The following INVS variants were observed in gnomAD, a reference collection of about 807,000 sequenced individuals.
INVS encodes inversin, also known as inversion of embryo turning homolog.
Under a neutral mutation model 108.8 loss-of-function variants are expected in INVS, and 86 were observed. The ratio of observed to expected loss-of-function variants is 0.79; its 90% CI spans 0.66 to 0.95. The LOEUF (loss-of-function observed/expected upper bound fraction) is 0.95. Ranked by LOEUF, INVS falls within the 40% of genes least tolerant of loss-of-function variation. INVS has a pLI of 0.00. For missense variants in INVS, 1,169 were observed against 1,297.4 expected (o/e 0.90, Z 1.52); for synonymous variants, 455 against 473.5 (o/e 0.96, Z 0.51).
chr9:100,168,052 T>C (rs1420100902), intron 3 of INVS, among the ~76,000 whole-genome samples: 2 of 152,114 alleles, frequency 1.3e-5, no homozygotes, highest in Non-Finnish European at 2.9e-5. Flanking sequence ...CTTTCTTTTT[T>C]TTTCTTCTGG....
intron 3 of INVS, among the ~76,000 whole-genome samples, chr9:100,141,755 G>A (rs949921979): frequency 1.3e-5 from 2 of 152,174 alleles, no homozygotes; most frequent in African/African-American, 4.8e-5. Context: ...ATAGCAAATG[G>A]AACACTGAGA....
At chr9:100,269,859 T>C (rs568763063) in intron 11 of INVS, among the ~76,000 whole-genome samples, 1 of 152,300 alleles carries the variant, frequency 6.6e-6, no homozygotes, top group South Asian at 2.1e-4. Context: ...AGCTGTGGTA[T>C]TGCAAGCCAT....
chr9:100,199,451 A>G (rs1039131168), intron 3 of INVS, among the ~76,000 whole-genome samples: 8 of 151,620 alleles, frequency 5.3e-5, no homozygotes, highest in Non-Finnish European at 8.8e-5. Context: ...GCTCCTTTCA[A>G]TCTGTTTTCT....
chr9:100,251,498 G>A (rs1342038586), intron 8 of INVS, among the ~76,000 whole-genome samples: 1 of 152,190 alleles, frequency 6.6e-6, no homozygotes, highest in Non-Finnish European at 1.5e-5. Context: ...TAAAACCTCT[G>A]GACAGCACAA....
intron 3 of INVS, among the ~76,000 whole-genome samples, chr9:100,145,864 TAAGAG>T (rs990964848): frequency 9.9e-5 from 15 of 152,096 alleles, no homozygotes; most frequent in African/African-American, 3.6e-4. Flanking sequence ...GAACTGAACT[TAAGAG>T]AAGGGAGAGA....
At chr9:100,105,673 A>G (rs1827149505) in intron 2 of INVS, among the ~76,000 whole-genome samples, 1 of 151,912 alleles carries the variant, frequency 6.6e-6, no homozygotes, top group Non-Finnish European at 1.5e-5. Flanking sequence ...ATTCAACTAA[A>G]ACTCTTACTT....
intron 2 of INVS, 21 bp downstream of exon 2, chr9:100,104,648 C>G (rs1827114880): frequency 1.3e-6 from 2 of 1,531,630 alleles, no homozygotes; most frequent in Non-Finnish European, 1.8e-6. Flanking sequence ...CCCTTAAGTA[C>G]AGAAACTTTA....
chr9:100,230,790 T>C (rs1046117637), intron 5 of INVS, among the ~76,000 whole-genome samples: 1 of 152,234 alleles, frequency 6.6e-6, no homozygotes, highest in Admixed American at 6.5e-5. Context: ...GTGCTGGGAT[T>C]ACAGGCGTGA....
rs115454252 is a variant in INVS at position 100,221,762 on chromosome 9, G to A, written c.274-4300G>A. On this transcript the variant is annotated intron_variant, in intron 3 of 16. Transcript: ENST00000262457. ...TTTGCTTTCTGTGATTTCATTTACT[G>A]TGGTCAACCATGATCTAAAAATACT... is the stretch of plus-strand genomic sequence containing the variant. Among the ~76,000 whole-genome samples the A allele has an allele frequency of 5.6e-3, 847 of 151,700 alleles. 13 individuals are homozygous for A. The highest frequency in any genetic ancestry group is 0.019 in the African/African-American group (787 of 41,346).
chr9:100,250,795 T>C (rs181628539), intron 8 of INVS, among the ~76,000 whole-genome samples: 21 of 152,342 alleles, frequency 1.4e-4, no homozygotes, highest in Admixed American at 1.2e-3. Flanking sequence ...GTGATCTGTT[T>C]AAAGCATAAA....
chr9:100,154,396 C>T (rs1437250038), intron 3 of INVS, among the ~76,000 whole-genome samples: 1 of 118,260 alleles, frequency 8.5e-6, no homozygotes, highest in South Asian at 2.9e-4. Context: ...CCACACTAGT[C>T]TCAAACTTGG....
At chr9:100,284,658 G>A in intron 13 of INVS, 55 bp downstream of exon 13, 1 of 1,571,556 alleles carries the variant, frequency 6.4e-7, no homozygotes, top group South Asian at 1.1e-5. Flanking sequence ...GGGCTTTTTT[G>A]ATTGGTGTAT....
At chr9:100,220,128 CTT>C (rs1491170487) in intron 3 of INVS, among the ~76,000 whole-genome samples, 27 of 151,576 alleles carry the variant, frequency 1.8e-4, no homozygotes, top group East Asian at 7.8e-4. Context: ...TAGCTATGTG[CTT>C]TTTTTTTAAA....
At chr9:100,154,331 A>ATTTTTTTTTTTTTTTGTTTTTTT (rs1828899853) in intron 3 of INVS, among the ~76,000 whole-genome samples, 1 of 68,580 alleles carries the variant, frequency 1.5e-5, no homozygotes, top group Non-Finnish European at 2.5e-5. Flanking sequence ...CAACCGACTA[A>ATTTTTTTTTTTTTTTGTTTTTTT]TTTTTTTTTT....
intron 10 of INVS, among the ~76,000 whole-genome samples, chr9:100,253,720 C>T (rs1036805309): frequency 5.3e-5 from 8 of 152,146 alleles, no homozygotes; most frequent in African/African-American, 1.9e-4. Context: ...CAGCTTCATC[C>T]ATGTCCCTAC....
intron 3 of INVS, among the ~76,000 whole-genome samples, chr9:100,136,226 G>A (rs778788068): frequency 1.2e-4 from 18 of 152,122 alleles, no homozygotes; most frequent in Non-Finnish European, 2.5e-4. Flanking sequence ...GAGACAGTAC[G>A]AGTGATTGAT....
intron 3 of INVS, among the ~76,000 whole-genome samples, chr9:100,222,764 T>G (rs1032891732): frequency 1.2e-4 from 19 of 152,032 alleles, no homozygotes; most frequent in Non-Finnish European, 2.8e-4. Flanking sequence ...TTCAGAAAGG[T>G]CAAACTTTAT....
intron 2 of INVS, among the ~76,000 whole-genome samples, chr9:100,114,790 T>C (rs1827456897): frequency 6.6e-6 from 1 of 152,218 alleles, no homozygotes; most frequent in Non-Finnish European, 1.5e-5. Flanking sequence ...TTTTTATTAG[T>C]GAGCTATATT....
At chr9:100,295,407 C>T (rs565498009) in intron 14 of INVS, among the ~76,000 whole-genome samples, 2 of 152,330 alleles carry the variant, frequency 1.3e-5, no homozygotes, top group East Asian at 3.9e-4. Context: ...AAAGCCAAGT[C>T]TGGTGACAGT....
Sources: allele counts gnomAD v4.1 joint callset (sites outside exome capture counted in the v4.1 genomes callset), GRCh38; gene constraint gnomAD v4.1.1; transcripts MANE v1.5; gene names NCBI Gene and HGNC (gene_info 2026-07-23, HGNC 2026-07-21).